NUDCD1: variants seen among roughly 807,000 people sequenced by gnomAD.
NUDCD1 encodes the protein nudC domain-containing protein 1.
NUDCD1 carries 60 observed loss-of-function variants against 67.8 expected under a neutral mutation model. The ratio of observed to expected loss-of-function variants is 0.88; its 90% confidence interval spans 0.72 to 1.10. The LOEUF is 1.10. Among genes scored for constraint, NUDCD1 ranks in the 50% least tolerant of loss-of-function variants. The probability of loss-of-function intolerance (pLI) is 0.00; values close to 1 mark genes in which losing one functional copy is unlikely to be tolerated. For missense variants in NUDCD1, 643 were observed against 695.0 expected (o/e 0.93, Z 0.84); for synonymous variants, 244 against 230.8 (o/e 1.06, Z -0.52).
chr8:109,304,775 G>A (rs1445621954), intron 2 of NUDCD1, among the ~76,000 whole-genome samples: 10 of 152,226 alleles, frequency 6.6e-5, no homozygotes, highest in African/African-American at 1.7e-4. Context: ...TCAGGGTAAC[G>A]CTTATGCTGA....
Position 109,301,810 on chromosome 8 carries a change from G to A in NUDCD1, c.274-5241C>T, listed in dbSNP as rs564163246. 7.3e-4 allele frequency among the ~76,000 whole-genome samples: 111 copies of A among 152,344 alleles called. 1 individual carries two copies. The Middle Eastern group carries it at 0.014, about 19-fold the overall frequency. ...ACCCAAAACTCCAGCACCAGTCATG[G>A]ACTCGGGAAGACAGTCTTCCCTTGG... On this transcript the variant is annotated intron_variant, in intron 2 of 9. Transcript: ENST00000239690.
At chr8:109,280,330 T>C (rs1201628845) in intron 6 of NUDCD1, among the ~76,000 whole-genome samples, 1 of 152,218 alleles carries the variant, frequency 6.6e-6, no homozygotes, top group Non-Finnish European at 1.5e-5. Context: ...TTATTGTTGT[T>C]AGAGACAGGG....
chr8:109,305,643 C>T (rs1033426194), intron 2 of NUDCD1, among the ~76,000 whole-genome samples: 1 of 152,128 alleles, frequency 6.6e-6, no homozygotes, highest in African/African-American at 2.4e-5. Context: ...TCATCCCAAG[C>T]ACTAGCCCTC....
At chr8:109,323,961 G>C (rs1815603517) in intron 1 of NUDCD1, among the ~76,000 whole-genome samples, 2 of 151,994 alleles carry the variant, frequency 1.3e-5, no homozygotes, top group Non-Finnish European at 2.9e-5. Context: ...AAAGGAAACA[G>C]AGAAGAAATG....
intron 2 of NUDCD1, chr8:109,298,938 C>T (rs1397109960): frequency 1.3e-5 from 2 of 152,302 alleles, no homozygotes; most frequent in African/African-American, 2.4e-5. Flanking sequence ...CTGTGAGTAC[C>T]CAAACTGTGG....
At chr8:109,255,034 G>A (rs1287020724) in intron 8 of NUDCD1, among the ~76,000 whole-genome samples, 1 of 152,068 alleles carries the variant, frequency 6.6e-6, no homozygotes, top group East Asian at 1.9e-4. Context: ...CTCAAACTTG[G>A]TAAGTTCAGA....
chr8:109,301,284 C>G (rs181694113), intron 2 of NUDCD1, among the ~76,000 whole-genome samples: 1 of 152,100 alleles, frequency 6.6e-6, no homozygotes, highest in African/African-American at 2.4e-5. Flanking sequence ...GTAATATTCT[C>G]CCCCCGCCCT....
chr8:109,287,499 G>A (rs1432132218), intron 5 of NUDCD1, among the ~76,000 whole-genome samples: 1 of 152,110 alleles, frequency 6.6e-6, no homozygotes, highest in Non-Finnish European at 1.5e-5. Flanking sequence ...CAACATGAAT[G>A]TAGCAAGTGG....
intron 2 of NUDCD1, among the ~76,000 whole-genome samples, chr8:109,321,869 T>C (rs971705819): frequency 3.3e-5 from 5 of 152,008 alleles, no homozygotes; most frequent in East Asian, 1.9e-4. Context: ...TCACAGAACC[T>C]AGAGATAAAG....
intron 4 of NUDCD1, among the ~76,000 whole-genome samples, chr8:109,291,011 T>C (rs1814699306): frequency 6.6e-6 from 1 of 151,984 alleles, no homozygotes; most frequent in African/African-American, 2.4e-5. Context: ...AAAGTCCTAC[T>C]TGACTTTAAA....
intron 2 of NUDCD1, among the ~76,000 whole-genome samples, chr8:109,299,502 C>G (rs1210118901): frequency 6.6e-6 from 1 of 152,126 alleles, no homozygotes; most frequent in East Asian, 1.9e-4. Flanking sequence ...CCTGAACAAT[C>G]TGCAAGACTC....
intron 2 of NUDCD1, among the ~76,000 whole-genome samples, chr8:109,304,146 C>A (rs575264520): frequency 6.6e-6 from 1 of 152,188 alleles, no homozygotes; most frequent in South Asian, 2.1e-4. Flanking sequence ...CTCATCCCAA[C>A]CTTTTTCATT....
At chr8:109,278,683 C>G (rs1322208563) in intron 6 of NUDCD1, among the ~76,000 whole-genome samples, 1 of 152,170 alleles carries the variant, frequency 6.6e-6, no homozygotes, top group East Asian at 1.9e-4. Flanking sequence ...GCTTCTTTCA[C>G]TCCACATGTT....
intron 8 of NUDCD1, among the ~76,000 whole-genome samples, chr8:109,255,628 A>G (rs1421115904): frequency 2.0e-5 from 3 of 151,898 alleles, no homozygotes; most frequent in Admixed American, 2.0e-4. Flanking sequence ...AAATGTTACC[A>G]GATAAAATAA....
chr8:109,243,536 C>G (rs758054945), intron 9 of NUDCD1, among the ~76,000 whole-genome samples: 3 of 152,044 alleles, frequency 2.0e-5, no homozygotes, highest in Non-Finnish European at 4.4e-5. Flanking sequence ...ATGGCTTTCT[C>G]GCTTCAAAAA....
chr8:109,290,570 T>G (rs1025069731), intron 4 of NUDCD1, among the ~76,000 whole-genome samples: 23 of 152,146 alleles, frequency 1.5e-4, no homozygotes, highest in African/African-American at 5.6e-4. Context: ...CAGAAATGAT[T>G]TTTTTTACAC....
intron 1 of NUDCD1, among the ~76,000 whole-genome samples, chr8:109,323,990 T>C (rs1438661347): frequency 1.3e-5 from 2 of 152,164 alleles, no homozygotes; most frequent in East Asian, 1.9e-4. Flanking sequence ...TATAGGTCTA[T>C]GCAAAGATTT....
chr8:109,275,212 A>T, intron 7 of NUDCD1, 140 bp downstream of exon 7: 1 of 690,850 alleles, frequency 1.4e-6, no homozygotes, highest in South Asian at 2.0e-5. Context: ...GCCATATTCA[A>T]ACATCACTCA....
At chr8:109,261,647 A>C (rs1813865346) in intron 8 of NUDCD1, among the ~76,000 whole-genome samples, 1 of 152,204 alleles carries the variant, frequency 6.6e-6, no homozygotes. Flanking sequence ...AGATATAAGT[A>C]GTTAAGAGAT....
Sources: allele counts gnomAD v4.1 joint callset (sites outside exome capture counted in the v4.1 genomes callset), GRCh38; gene constraint gnomAD v4.1.1; transcripts MANE v1.5; gene names NCBI Gene and HGNC (gene_info 2026-07-23, HGNC 2026-07-21).